Variants in LPAR1 observed in about 807,000 individuals in gnomAD.
The protein encoded by LPAR1 is lysophosphatidic acid receptor 1, also known as LPA receptor 1.
In LPAR1, 5 loss-of-function variants were observed where a neutral mutation model predicts 23.8. The observed-to-expected ratio is 0.21, with a 90% CI of 0.11 to 0.44. The LOEUF is 0.44. LPAR1 is among the 20% of genes least tolerant of loss of function. The pLI is 0.99. For missense variants in LPAR1, 311 were observed against 482.8 expected, an observed-to-expected ratio of 0.64 and a Z score of 3.33; for synonymous variants, 160 against 164.7, an observed-to-expected ratio of 0.97 and a Z score of 0.22.
At chr9:110,937,846 A>G (rs142585985) in intron 5 of LPAR1, among the ~76,000 whole-genome samples, 1 of 152,240 alleles carries the variant, frequency 6.6e-6, no homozygotes, top group South Asian at 2.1e-4. Context: ...ATGGAAACTG[A>G]GTAATCATTC....
At chr9:111,010,177 A>G (rs1012092580) in intron 2 of LPAR1, among the ~76,000 whole-genome samples, 3 of 151,978 alleles carry the variant, frequency 2.0e-5, no homozygotes, top group Admixed American at 6.6e-5. Context: ...GAGACTTACA[A>G]TGTGACAGGA....
At chr9:110,960,181 A>G (rs566963380) in intron 4 of LPAR1, among the ~76,000 whole-genome samples, 3 of 152,314 alleles carry the variant, frequency 2.0e-5, no homozygotes, top group Non-Finnish European at 4.4e-5. Flanking sequence ...ATTGATATGG[A>G]TAGGAACACA....
At chr9:111,025,010 A>G (rs1206107499) in intron 2 of LPAR1, among the ~76,000 whole-genome samples, 1 of 152,224 alleles carries the variant, frequency 6.6e-6, no homozygotes, top group Non-Finnish European at 1.5e-5. Flanking sequence ...CAATAAACAT[A>G]CGTGTGCATG....
At chr9:110,965,631 G>A (rs530932141) in intron 4 of LPAR1, among the ~76,000 whole-genome samples, 4 of 152,338 alleles carry the variant, frequency 2.6e-5, no homozygotes, top group African/African-American at 9.6e-5. Context: ...AACAGATGCT[G>A]AAGAGGATGT....
intron 5 of LPAR1, among the ~76,000 whole-genome samples, chr9:110,936,872 A>C (rs1364065427): frequency 6.6e-6 from 1 of 152,210 alleles, no homozygotes; most frequent in Non-Finnish European, 1.5e-5. Context: ...ACAGCCAAAA[A>C]GGAAAGGACT....
intron 2 of LPAR1, among the ~76,000 whole-genome samples, chr9:110,998,623 T>C (rs1286021864): frequency 3.9e-5 from 6 of 152,200 alleles, no homozygotes; most frequent in South Asian, 4.1e-4. Context: ...GGAGCTGCAA[T>C]TGTACCTTCA....
chr9:110,984,608 G>A (rs534499784), intron 2 of LPAR1, among the ~76,000 whole-genome samples: 1 of 151,882 alleles, frequency 6.6e-6, no homozygotes, highest in Non-Finnish European at 1.5e-5. Flanking sequence ...TGAGATTGCT[G>A]GATCATATGG....
At chr9:110,927,107 G>A (rs2094098273) in intron 5 of LPAR1, among the ~76,000 whole-genome samples, 1 of 152,226 alleles carries the variant, frequency 6.6e-6, no homozygotes, top group Admixed American at 6.5e-5. Flanking sequence ...TACAGATAAA[G>A]AAGTTGTCGT....
At chr9:110,960,419 G>C (rs566877904) in intron 4 of LPAR1, among the ~76,000 whole-genome samples, 2 of 152,298 alleles carry the variant, frequency 1.3e-5, no homozygotes, top group South Asian at 4.1e-4. Flanking sequence ...CATGCAGAGA[G>C]ACGATAAGTA....
chr9:110,875,368 A>T lies in LPAR1; in HGVS notation c.*53T>A. The T allele has an allele frequency of 6.7e-7, 1 of 1,487,866 alleles. No individual in the cohort carries two copies. Among genetic ancestry groups the T allele is most frequent in the Non-Finnish European group, 9.1e-7 (1 of 1,103,042 alleles). The allele number at this position is 1,487,866 out of a possible 1,614,324, so 92.2% of individuals were successfully genotyped here. On this transcript the variant is annotated 3_prime_UTR_variant, in exon 6 of 6. Coordinates refer to ENST00000683809, the MANE Select transcript of LPAR1 (RefSeq NM_001351411.2). The stretch of plus-strand genomic sequence containing the variant: ...CTTGCCCTGGCAATTGGGTAGGGGG[A>T]GGCTGTTTATCCTCCAAGAGAGGAC...
At chr9:111,008,835 A>C (rs1205906532) in intron 2 of LPAR1, among the ~76,000 whole-genome samples, 1 of 152,152 alleles carries the variant, frequency 6.6e-6, no homozygotes, top group Non-Finnish European at 1.5e-5. Context: ...GAGTGCCTTT[A>C]ATGCATCAAA....
intron 2 of LPAR1, among the ~76,000 whole-genome samples, chr9:111,008,832 T>G (rs776955397): frequency 6.6e-6 from 1 of 152,140 alleles, no homozygotes; most frequent in Non-Finnish European, 1.5e-5. Flanking sequence ...TGAGAGTGCC[T>G]TTAATGCATC....
chr9:110,940,247 T>A (rs2095002680), intron 5 of LPAR1, among the ~76,000 whole-genome samples: 1 of 152,162 alleles, frequency 6.6e-6, no homozygotes, highest in Admixed American at 6.5e-5. Context: ...GATGCAGTCA[T>A]CCTAACCAAA....
chr9:110,973,577 A>C lies in LPAR1; in HGVS notation c.-181-19T>G, dbSNP rs2096484887. The C allele has an allele frequency of 6.6e-6, 1 of 152,192 alleles. No homozygotes were observed. Among genetic ancestry groups the C allele is most frequent in the South Asian group, 2.1e-4 (1 of 4,830 alleles). 9.4% of individuals were successfully genotyped at this position (152,192 alleles called of 1,614,324 possible). A position where few individuals can be genotyped will look rare whatever the true frequency, so the allele number is the denominator to read the frequency against. ...CGTCCACCTGTGTGAGAAAGAGAACATTTCTAAAATCCTTTTGACATCCTC... is the reference window on the plus strand; with the variant it reads ...CGTCCACCTGTGTGAGAAAGAGAACCTTTCTAAAATCCTTTTGACATCCTC... On this transcript the variant is annotated intron_variant, in intron 2 of 5. Coordinates refer to ENST00000683809, the MANE Select transcript of LPAR1 (RefSeq NM_001351411.2).
intron 2 of LPAR1, among the ~76,000 whole-genome samples, chr9:111,005,572 A>G (rs1049327130): frequency 5.8e-5 from 8 of 138,990 alleles, no homozygotes; most frequent in South Asian, 2.3e-4. Context: ...AAAAAAAAAA[A>G]AAAAAGAAGA....
intron 4 of LPAR1, among the ~76,000 whole-genome samples, chr9:110,964,806 G>A (rs1216150216): frequency 3.5e-5 from 5 of 143,220 alleles, no homozygotes; most frequent in Admixed American, 2.8e-4. Flanking sequence ...TGGTAAGGAT[G>A]TCCAAAAAAA....
chr9:110,963,590 A>G (rs1404809555), intron 4 of LPAR1, among the ~76,000 whole-genome samples: 4 of 152,192 alleles, frequency 2.6e-5, no homozygotes, highest in Non-Finnish European at 4.4e-5. Context: ...GAACACCAAC[A>G]TGGCACATGT....
chr9:111,010,070 C>G (rs2097304943), intron 2 of LPAR1, among the ~76,000 whole-genome samples: 1 of 139,438 alleles, frequency 7.2e-6, no homozygotes, highest in Admixed American at 7.5e-5. Context: ...GGTCAGTTGG[C>G]CATAGAATTG....
At chr9:110,967,199 C>A (rs1035866813) in intron 4 of LPAR1, among the ~76,000 whole-genome samples, 1 of 152,142 alleles carries the variant, frequency 6.6e-6, no homozygotes, top group Non-Finnish European at 1.5e-5. Context: ...TCTTAGTATT[C>A]ATCACCTAGC....
Sources: gnomAD v4.1 joint callset for allele counts (sites outside exome capture counted in the v4.1 genomes callset) on GRCh38, gnomAD v4.1.1 for gene constraint, MANE v1.5 for transcripts, NCBI Gene and HGNC (gene_info 2026-07-23, HGNC 2026-07-21) for gene names.